F13A1: variants seen among roughly 807,000 people sequenced by gnomAD.
F13A1 encodes coagulation factor XIII A chain, also known as FSF, A subunit.
In F13A1, 47 loss-of-function variants were observed where a neutral mutation model predicts 80.1. The ratio of observed to expected loss-of-function variants is 0.59; its 90% CI spans 0.46 to 0.75. The LOEUF is 0.75. F13A1 is among the 30% of genes least tolerant of loss of function. The pLI is 0.00. For synonymous variants in F13A1, 349 were observed against 344.9 expected, an observed-to-expected ratio of 1.01 and a Z score of -0.13; for missense variants, 817 against 930.4, an observed-to-expected ratio of 0.88 and a Z score of 1.59.
Position 6,243,328 on chromosome 6 carries a change from C to T in F13A1, c.798+4984G>A, listed in dbSNP as rs188605954. 8.6e-5 allele frequency among the ~76,000 whole-genome samples: 13 copies of T among 151,882 alleles called. No homozygotes were observed. The East Asian group carries it at 1.6e-3, about 18-fold the overall frequency. ...TTATCACAATCACTATCACCACCAC[C>T]GTCACCACCACCATCATCACTAACT... On this transcript the variant is annotated intron_variant, in intron 6 of 14. Coordinates refer to ENST00000264870, the MANE Select transcript of F13A1 (RefSeq NM_000129.4). The surrounding 1 kb of genome is among the most constrained non-coding windows in gnomAD (Gnocchi z 4.2).
chr6:6,282,351 C>A (rs144141613), intron 3 of F13A1, among the ~76,000 whole-genome samples: 1 of 152,142 alleles, frequency 6.6e-6, no homozygotes, highest in African/African-American at 2.4e-5. Flanking sequence ...CTGGCAAAAT[C>A]GAGGCTGTTT....
chr6:6,199,828 C>A (rs1040342372), intron 8 of F13A1, among the ~76,000 whole-genome samples: 4 of 152,192 alleles, frequency 2.6e-5, no homozygotes, highest in African/African-American at 9.7e-5. Flanking sequence ...CTGTCCCCCA[C>A]CCCTGAAGAA....
intron 8 of F13A1, among the ~76,000 whole-genome samples, chr6:6,218,077 C>CT (rs1227027321): frequency 5.3e-5 from 8 of 152,150 alleles, no homozygotes; most frequent in Non-Finnish European, 8.8e-5. Flanking sequence ...AGGAGGACAC[C>CT]AACCCTCACC....
At chr6:6,264,669 C>A (rs866983002) in intron 4 of F13A1, among the ~76,000 whole-genome samples, 82 of 152,280 alleles carry the variant, frequency 5.4e-4, no homozygotes, top group African/African-American at 1.9e-3. Flanking sequence ...ATGGTTATCT[C>A]CAACTTAACA....
At chr6:6,298,061 A>G (rs1408582825) in intron 3 of F13A1, among the ~76,000 whole-genome samples, 3 of 150,800 alleles carry the variant, frequency 2.0e-5, no homozygotes, top group Non-Finnish European at 4.4e-5. Flanking sequence ...AGCCGTTTTG[A>G]GTGAGATTCT....
At chr6:6,190,827 C>T (rs1409841396) in intron 10 of F13A1, among the ~76,000 whole-genome samples, 6 of 152,124 alleles carry the variant, frequency 3.9e-5, no homozygotes, top group Admixed American at 2.0e-4. Context: ...CCCAGCCTCG[C>T]TGCCGCCTTG....
chr6:6,257,545 C>T (rs1757719238), intron 4 of F13A1, among the ~76,000 whole-genome samples: 1 of 152,116 alleles, frequency 6.6e-6, no homozygotes, highest in South Asian at 2.1e-4. Context: ...TAGAGTAGTT[C>T]GCCAGGACTG....
chr6:6,222,074 T>G lies in F13A1; in HGVS notation c.1071A>C (p.Glu357Asp). Residue 357 changes from glutamate to aspartate, a missense_variant, in exon 8 of 15, where the codon GAA (glutamate) becomes GAC (aspartate). Glu to Asp is a conservative substitution (Grantham distance 45, BLOSUM62 2). Transcript: ENST00000264870. The part of the protein sequence containing the change: ...ANLQMDIFLE[E>D]DGNVNSKLTK... ...TGAGTTTGGAATTCACGTTCCCATC[T>G]TCTTCCAGGAAGATGTCCATTTGCA... is the stretch of plus-strand genomic sequence containing the variant. The G allele has an allele frequency of 2.5e-6, 4 of 1,614,084 alleles. No individual in the cohort carries two copies. The highest frequency in any genetic ancestry group is 2.5e-6 in the Non-Finnish European group (3 of 1,179,964).
At chr6:6,263,512 AT>A (rs1259307425) in intron 4 of F13A1, among the ~76,000 whole-genome samples, 1 of 152,002 alleles carries the variant, frequency 6.6e-6, no homozygotes, top group Non-Finnish European at 1.5e-5. Context: ...TCAACTCTTA[AT>A]TGTTAATGAC....
chr6:6,245,287 A>T (rs1354993635), intron 6 of F13A1, among the ~76,000 whole-genome samples: 1 of 152,130 alleles, frequency 6.6e-6, no homozygotes, highest in Non-Finnish European at 1.5e-5. Flanking sequence ...CAATGGTGTG[A>T]TCACAGCTCA....
At chr6:6,189,627 C>T (rs1761144434) in intron 10 of F13A1, among the ~76,000 whole-genome samples, 2 of 140,824 alleles carry the variant, frequency 1.4e-5, no homozygotes, top group Non-Finnish European at 3.2e-5. Context: ...TTCAGGGTAA[C>T]CCGACCTTTC....
intron 3 of F13A1, among the ~76,000 whole-genome samples, chr6:6,302,695 A>G (rs1158961915): frequency 1.7e-5 from 2 of 120,694 alleles, no homozygotes; most frequent in African/African-American, 1.2e-4. Flanking sequence ...CTTAGGCTAC[A>G]GTACATTTAA....
At chr6:6,269,707 T>G (rs1312372250) in intron 3 of F13A1, among the ~76,000 whole-genome samples, 1 of 151,790 alleles carries the variant, frequency 6.6e-6, no homozygotes, top group Non-Finnish European at 1.5e-5. Flanking sequence ...TTTTTTTTTT[T>G]GTTTGTTTTA....
Position 6,145,751 on chromosome 6 carries a change from G to A in F13A1, c.2067C>T (p.Thr689=), listed in dbSNP as rs750971578. 29 of 1,613,974 alleles carry A rather than the reference G, an allele frequency of 1.8e-5. No individual in the cohort carries two copies. The highest frequency in any genetic ancestry group is 4.4e-5 in the South Asian group (4 of 91,070). The change falls in exon 15 of 15, where the codon ACC becomes ACT. Residue 689 remains threonine (T), a synonymous_variant. Coordinates refer to ENST00000264870, the MANE Select transcript of F13A1 (RefSeq NM_000129.4). ...KMFREIRPNS[T]VQWEEVCRPW... ...GCCGGCACACTTCTTCCCACTGCACGGTGGAGTTGGGCCGGATTTCACTGA... is the reference window on the plus strand; with the variant it reads ...GCCGGCACACTTCTTCCCACTGCACAGTGGAGTTGGGCCGGATTTCACTGA...
chr6:6,292,180 A>G (rs1758232811), intron 3 of F13A1, among the ~76,000 whole-genome samples: 1 of 152,202 alleles, frequency 6.6e-6, no homozygotes, highest in Non-Finnish European at 1.5e-5. Flanking sequence ...GGAGGCATAC[A>G]GCACCTCTGC....
rs1189364714 is a variant in F13A1, at chr6:6,174,866, A to C, written c.1461T>G (p.Gly487=). ...DITDTYKFQE[G]QEEERLALET... ...CTAGGGCCAATCTCTCTTCTTCTTGACCTGGGGGAGATCCAGAGATAATGA... is the reference window on the plus strand; with the variant it reads ...CTAGGGCCAATCTCTCTTCTTCTTGCCCTGGGGGAGATCCAGAGATAATGA... The change falls in exon 12 of 15, where the codon GGT becomes GGG. Residue 487 remains glycine, a splice_region_variant and synonymous_variant. Coordinates refer to ENST00000264870, the MANE Select transcript of F13A1 (RefSeq NM_000129.4). The C allele has an allele frequency of 1.2e-6, 2 of 1,614,084 alleles. No individual in the cohort carries two copies. The highest frequency in any genetic ancestry group is 2.2e-5 in the South Asian group (2 of 91,074).
chr6:6,176,843 G>A (rs1446659033), intron 11 of F13A1, among the ~76,000 whole-genome samples: 2 of 152,212 alleles, frequency 1.3e-5, no homozygotes, highest in East Asian at 1.9e-4. Flanking sequence ...GCTGGCCAAG[G>A]TGAGGTGAAT....
At chr6:6,303,221 TTC>T (rs1360829941) in intron 3 of F13A1, among the ~76,000 whole-genome samples, 2 of 152,316 alleles carry the variant, frequency 1.3e-5, no homozygotes, top group African/African-American at 4.8e-5. Flanking sequence ...TACTTATTAT[TTC>T]TTTGTATGAT....
intron 13 of F13A1, among the ~76,000 whole-genome samples, chr6:6,153,510 T>C (rs1254479176): frequency 6.6e-6 from 1 of 152,214 alleles, no homozygotes; most frequent in African/African-American, 2.4e-5. Context: ...CTTAAGTCTA[T>C]AAGAAAAACG....
Sources: gnomAD v4.1 joint callset for allele counts (sites outside exome capture counted in the v4.1 genomes callset) on GRCh38, gnomAD v4.1.1 for gene constraint, Gnocchi (gnomAD v3.1) non-coding constraint, MANE v1.5 for transcripts, NCBI Gene and HGNC (gene_info 2026-07-23, HGNC 2026-07-21) for gene names.